The following SDK1 variants were observed in gnomAD, a reference collection of about 807,000 sequenced individuals.
The protein encoded by SDK1 is sidekick cell adhesion molecule 1.
A neutral mutation model predicts 245.5 loss-of-function variants in SDK1; 157 were observed. That is an observed-to-expected ratio of 0.64 (90% CI 0.56 to 0.73). SDK1 has a LOEUF of 0.73. Ranked by LOEUF, SDK1 falls within the 30% of genes least tolerant of loss-of-function variation. SDK1 has a pLI of 0.00. For missense variants in SDK1, 3,583 were observed against 3,002.3 expected (o/e 1.19, Z -4.52); for synonymous variants, 1,647 against 1,278.5 (o/e 1.29, Z -6.15).
At chr7:3,335,138 C>A (rs1228733886) in intron 1 of SDK1, among the ~76,000 whole-genome samples, 1 of 152,198 alleles carries the variant, frequency 6.6e-6, no homozygotes, top group Non-Finnish European at 1.5e-5. Flanking sequence ...GTGGCCCTAA[C>A]TTTTAACTTC....
intron 1 of SDK1, among the ~76,000 whole-genome samples, chr7:3,607,002 C>T (rs530511367): frequency 6.6e-6 from 1 of 152,248 alleles, no homozygotes; most frequent in African/African-American, 2.4e-5. Context: ...TAACTTTCTT[C>T]ATTGATTTGC....
At chr7:3,540,659 C>T (rs1779029291) in intron 1 of SDK1, among the ~76,000 whole-genome samples, 1 of 152,158 alleles carries the variant, frequency 6.6e-6, no homozygotes, top group Admixed American at 6.5e-5. Flanking sequence ...CATTCACATG[C>T]AGCTATTTTG....
intron 19 of SDK1, among the ~76,000 whole-genome samples, chr7:4,065,101 C>G (rs1166699986): frequency 1.3e-5 from 2 of 152,122 alleles, no homozygotes; most frequent in Non-Finnish European, 2.9e-5. Flanking sequence ...TACTCCAGGC[C>G]ATAGGCACTC....
chr7:3,433,523 C>T (rs946668209), intron 1 of SDK1, among the ~76,000 whole-genome samples: 5 of 152,092 alleles, frequency 3.3e-5, no homozygotes, highest in African/African-American at 1.2e-4. Flanking sequence ...TCCTTTTTCT[C>T]TTTCCCTATT....
chr7:3,407,222 C>T (rs550648157), intron 1 of SDK1, among the ~76,000 whole-genome samples: 7 of 152,304 alleles, frequency 4.6e-5, no homozygotes, highest in Middle Eastern at 3.4e-3. Context: ...TGGAACTTTG[C>T]GTGAAAAATT....
intron 1 of SDK1, among the ~76,000 whole-genome samples, chr7:3,428,803 T>G (rs1300775112): frequency 6.6e-6 from 1 of 152,228 alleles, no homozygotes; most frequent in Admixed American, 6.5e-5. Context: ...ACCATCATTT[T>G]TATTTGTTTT....
intron 2 of SDK1, among the ~76,000 whole-genome samples, chr7:3,634,276 G>A (rs994680438): frequency 6.6e-6 from 1 of 152,202 alleles, no homozygotes; most frequent in African/African-American, 2.4e-5. Context: ...AGTCCCAGCA[G>A]TTGTTCCTGG....
intron 1 of SDK1, among the ~76,000 whole-genome samples, chr7:3,544,336 T>A (rs1779149747): frequency 6.6e-6 from 1 of 152,346 alleles, no homozygotes; most frequent in South Asian, 2.1e-4. Context: ...GAAAGTGGTG[T>A]GGGAAACAGC....
intron 4 of SDK1, among the ~76,000 whole-genome samples, chr7:3,715,308 T>G (rs1785168212): frequency 6.6e-6 from 1 of 152,182 alleles, no homozygotes; most frequent in South Asian, 2.1e-4. Context: ...ACCAGAAATT[T>G]TATTAAATCA....
chr7:3,739,992 C>G (rs558323020), intron 4 of SDK1, among the ~76,000 whole-genome samples: 1 of 152,160 alleles, frequency 6.6e-6, no homozygotes, highest in African/African-American at 2.4e-5. Context: ...GTATGTTTAG[C>G]CTCTGAAGTC....
chr7:3,553,035 G>A (rs1359024267), intron 1 of SDK1, among the ~76,000 whole-genome samples: 1 of 151,936 alleles, frequency 6.6e-6, no homozygotes, highest in Non-Finnish European at 1.5e-5. Flanking sequence ...CAGAGAAATA[G>A]TAAATAAAAA....
At chr7:3,628,322 G>GTA (rs1243685469) in intron 2 of SDK1, among the ~76,000 whole-genome samples, 3 of 151,892 alleles carry the variant, frequency 2.0e-5, no homozygotes, top group Admixed American at 6.6e-5. Context: ...TTAGGCTAGA[G>GTA]TATATATATA....
In SDK1 at chr7:3,592,070, C is replaced by T. The variant is rs141836805; in HGVS notation, c.299-27010C>T. ...TGAAACTGGGAAGCCCTTTGTATCA[C>T]TATCAGCTCTATTTTTGGAAGTAAT... On this transcript the variant is annotated intron_variant, in intron 1 of 44. Coordinates refer to ENST00000404826, the MANE Select transcript of SDK1 (RefSeq NM_152744.4). 3.5e-3 allele frequency among the ~76,000 whole-genome samples: 528 copies of T among 152,304 alleles called. 5 individuals carry two copies. Among genetic ancestry groups the T allele is most frequent in the African/African-American group, 0.012 (478 of 41,554 alleles).
rs182505209 is a variant in SDK1, at chr7:4,150,620, C to A, written c.4625+1157C>A. On this transcript the variant is annotated intron_variant, in intron 30 of 44. Coordinates refer to ENST00000404826, the MANE Select transcript of SDK1 (RefSeq NM_152744.4). ...TCGTCTTCGAGGCTGCCCGTCTCAG[C>A]CCTTCCTGACTGAACCTGAATGTAG... Among the ~76,000 whole-genome samples, 95 of 152,360 alleles carry A rather than the reference C, an allele frequency of 6.2e-4. 2 individuals carry two copies. The highest frequency in any genetic ancestry group is 3.4e-3 in the Middle Eastern group (1 of 294).
At position 4,210,103 on chromosome 7, in the gene SDK1, C is replaced by T. The variant is rs137889213; in HGVS notation, c.5480C>T (p.Ala1827Val). Residue 1827 changes from alanine to valine, a missense_variant, in exon 38 of 45, where the codon GCG becomes GTG. By Grantham distance (64) the Ala-to-Val change is moderately conservative (BLOSUM62 0). Transcript: ENST00000404826. ...AACGTGTCCTGGGGCGAGCCTGCGG[C>T]GGCCAACGGCATCCTGCAGGGCTAT... The part of the protein sequence containing the change: ...TLNVSWGEPA[A>V]ANGILQGYRV... 1.3e-4 allele frequency: 204 copies of T among 1,610,110 alleles called. 4 individuals are homozygous for T. In the South Asian group the frequency reaches 1.4e-3, roughly 11 times the overall value.
rs193012905 is a variant in SDK1, at chr7:3,842,589, G to C, written c.847+21006G>C. 1.1e-4 allele frequency among the ~76,000 whole-genome samples: 17 copies of C among 152,238 alleles called. No homozygotes were observed. In the East Asian group the frequency reaches 2.3e-3, roughly 21 times the overall value. ...TGTCTGGAACCCAGGTGACTCGCCA[G>C]GTGTCCCATGGTGCTCCCACACTGG... On this transcript the variant is annotated intron_variant, in intron 5 of 44. Coordinates refer to ENST00000404826, the MANE Select transcript of SDK1 (RefSeq NM_152744.4).
At chr7:4,230,803 C>G (rs1486988713) in intron 40 of SDK1, among the ~76,000 whole-genome samples, 5 of 152,098 alleles carry the variant, frequency 3.3e-5, no homozygotes, top group African/African-American at 1.2e-4. Flanking sequence ...GCAGTCATCC[C>G]TTCCTGGAAC....
At chr7:3,476,517 A>G (rs1343371985) in intron 1 of SDK1, among the ~76,000 whole-genome samples, 1 of 152,130 alleles carries the variant, frequency 6.6e-6, no homozygotes, top group Non-Finnish European at 1.5e-5. Context: ...ATCTTCTAAT[A>G]CCTTATTACC....
chr7:3,766,847 T>A (rs1780267243), intron 4 of SDK1, among the ~76,000 whole-genome samples: 3 of 152,194 alleles, frequency 2.0e-5, no homozygotes, highest in Admixed American at 2.0e-4. Flanking sequence ...ATTAAAGATA[T>A]AAATGAGTAA....
Sources: allele counts gnomAD v4.1 joint callset (sites outside exome capture counted in the v4.1 genomes callset), GRCh38; gene constraint gnomAD v4.1.1; transcripts MANE v1.5; gene names NCBI Gene and HGNC (gene_info 2026-07-23, HGNC 2026-07-21).